Variants in TSPEAR observed in about 807,000 individuals in gnomAD.
TSPEAR encodes thrombospondin-type laminin G domain and EAR repeat-containing protein.
Under a neutral mutation model 71.6 loss-of-function variants are expected in TSPEAR, and 69 were observed. That is an observed-to-expected ratio of 0.96 (90% CI 0.79 to 1.18). The LOEUF (loss-of-function observed/expected upper bound fraction) is 1.18. Ranked by LOEUF, TSPEAR falls within the 50% of genes most tolerant of loss-of-function variation. TSPEAR has a pLI of 0.00. For synonymous variants in TSPEAR, 402 were observed against 387.2 expected (o/e 1.04, Z -0.45); for missense variants, 971 against 894.9 (o/e 1.09, Z -1.09).
chr21:44,600,964 T>A (rs1555928510), intron 1 of TSPEAR: 1 of 1,612,202 alleles, frequency 6.2e-7, no homozygotes, highest in South Asian at 1.1e-5. Flanking sequence ...GCCCGTCTGC[T>A]GCAAGACTGT....
At chr21:44,608,232 T>TA (rs1182726555) in intron 1 of TSPEAR, among the ~76,000 whole-genome samples, 3 of 152,262 alleles carry the variant, frequency 2.0e-5, no homozygotes, top group African/African-American at 7.2e-5. Context: ...GCTGACTTTT[T>TA]AAAAACTTCA....
intron 1 of TSPEAR, chr21:44,646,437 C>T (rs1433876648): frequency 1.3e-6 from 2 of 1,588,804 alleles, no homozygotes; most frequent in East Asian, 4.5e-5. Flanking sequence ...CCTCCCCCAG[C>T]TCACCTCCTC....
At chr21:44,626,314 A>G (rs1982774182) in intron 1 of TSPEAR, among the ~76,000 whole-genome samples, 2 of 152,216 alleles carry the variant, frequency 1.3e-5, no homozygotes, top group African/African-American at 4.8e-5. Context: ...ATCAAAGATC[A>G]TGCAGCCGTG....
At chr21:44,583,815 C>G (rs1979165604) in intron 1 of TSPEAR, among the ~76,000 whole-genome samples, 1 of 152,140 alleles carries the variant, frequency 6.6e-6, no homozygotes, top group Admixed American at 6.5e-5. Flanking sequence ...TTACCACGGT[C>G]AAGCTAATTA....
chr21:44,536,151 G>A (rs1369439300), intron 2 of TSPEAR, among the ~76,000 whole-genome samples: 2 of 152,210 alleles, frequency 1.3e-5, no homozygotes, highest in African/African-American at 4.8e-5. Context: ...ATGGAGAGGA[G>A]GGGCCTGCCC....
chr21:44,540,259 C>T (rs1272012344), intron 2 of TSPEAR: 8 of 1,529,440 alleles, frequency 5.2e-6, no homozygotes, highest in East Asian at 4.5e-5. Context: ...CTTCGTGGGG[C>T]TCTGCTTTTA....
intron 1 of TSPEAR, among the ~76,000 whole-genome samples, chr21:44,604,676 G>C (rs1981196556): frequency 1.3e-5 from 2 of 152,252 alleles, no homozygotes; most frequent in Non-Finnish European, 2.9e-5. Flanking sequence ...TGATCTTAGA[G>C]AAAGAGCTTT....
At chr21:44,516,972 G>A (rs1188773440) in intron 9 of TSPEAR, among the ~76,000 whole-genome samples, 3 of 152,088 alleles carry the variant, frequency 2.0e-5, no homozygotes. Context: ...CTGCACCCTG[G>A]GGCTTTCGGT....
intron 7 of TSPEAR, among the ~76,000 whole-genome samples, chr21:44,526,333 T>C (rs982453154): frequency 6.6e-6 from 1 of 152,218 alleles, no homozygotes; most frequent in African/African-American, 2.4e-5. Context: ...GCATGGTTCA[T>C]GGACGATGTG....
rs1330374364 is a variant in TSPEAR, at chr21:44,695,752, C to T, written c.82+15681G>A. Among the ~76,000 whole-genome samples, 1 of 152,168 alleles carries T rather than the reference C, an allele frequency of 6.6e-6. No homozygotes were observed. Among genetic ancestry groups the T allele is most frequent in the East Asian group, 1.9e-4 (1 of 5,200 alleles). On this transcript the variant is annotated intron_variant, in intron 1 of 11. Transcript: ENST00000323084. The surrounding 1 kb of genome is among the most constrained non-coding windows in gnomAD (Gnocchi z 4.5). ...CTCACCGCAGCGGGACAGGGGTACACGCCACACACCAGGGTTTCATCTCAT... is the reference window on the plus strand; with the variant it reads ...CTCACCGCAGCGGGACAGGGGTACATGCCACACACCAGGGTTTCATCTCAT...
chr21:44,665,422 C>T (rs953125360), intron 1 of TSPEAR, among the ~76,000 whole-genome samples: 2 of 152,218 alleles, frequency 1.3e-5, no homozygotes, highest in South Asian at 2.1e-4. Context: ...GAGGGGAATA[C>T]AGCCCAGACA....
At chr21:44,610,749 C>T (rs779040475) in intron 1 of TSPEAR, among the ~76,000 whole-genome samples, 1 of 152,188 alleles carries the variant, frequency 6.6e-6, no homozygotes, top group African/African-American at 2.4e-5. Flanking sequence ...TCAACACCAG[C>T]CCATGAAAGC....
chr21:44,612,568 C>T lies in TSPEAR; in HGVS notation c.83-44563G>A, dbSNP rs782366810. On this transcript the variant is annotated intron_variant, in intron 1 of 11. Transcript: ENST00000323084. The surrounding 1 kb of genome is among the most constrained non-coding windows in gnomAD (Gnocchi z 4.1). Reference sequence around the variant, plus strand: ...AGTCTAGCTGCCAGTCAGCTTGCTGCACCTTCTCCCCATGCCAACAGGCCT... The same window carrying T: ...AGTCTAGCTGCCAGTCAGCTTGCTGTACCTTCTCCCCATGCCAACAGGCCT... 11 of 1,614,090 alleles carry T rather than the reference C, an allele frequency of 6.8e-6. No individual in the cohort carries two copies. Among genetic ancestry groups the T allele is most frequent in the Admixed American group, 6.7e-5 (4 of 60,018 alleles).
In TSPEAR at chr21:44,509,470, C is replaced by G. The variant is rs587638147; in HGVS notation, c.1567-84G>C. 4.2e-3 allele frequency: 887 copies of G among 211,278 alleles called. 7 individuals carry two copies. The African/African-American group carries it at 0.043, about 10-fold the overall frequency. The allele number at this position is 211,278 out of a possible 1,614,324, so 13.1% of individuals were successfully genotyped here. A position where few individuals can be genotyped will look rare whatever the true frequency, so the allele number is the denominator to read the frequency against. On this transcript the variant is annotated intron_variant, in intron 9 of 11. Transcript: ENST00000323084. Reference sequence around the variant, plus strand: ...GAGCGGGCGCAGAGGTGTGGGGGAGCGGGCGCAGAGGTGTGGGGGAGGGGG... The same window carrying G: ...GAGCGGGCGCAGAGGTGTGGGGGAGGGGGCGCAGAGGTGTGGGGGAGGGGG...
At chr21:44,682,341 C>A (rs1266568470) in intron 1 of TSPEAR, among the ~76,000 whole-genome samples, 4 of 152,180 alleles carry the variant, frequency 2.6e-5, no homozygotes, top group Admixed American at 2.0e-4. Flanking sequence ...ACTAATTGCA[C>A]CCTCTTCAAG....
At chr21:44,610,939 C>A (rs1474229277) in intron 1 of TSPEAR, among the ~76,000 whole-genome samples, 1 of 152,162 alleles carries the variant, frequency 6.6e-6, no homozygotes, top group Non-Finnish European at 1.5e-5. Flanking sequence ...CCTGTAAAAT[C>A]CCTTTGTTTT....
At position 44,569,233 on chromosome 21, in the gene TSPEAR, G is replaced by C. The variant is rs1216569184; in HGVS notation, c.83-1228C>G. On this transcript the variant is annotated intron_variant, in intron 1 of 11. Coordinates refer to ENST00000323084, the MANE Select transcript of TSPEAR (RefSeq NM_144991.3). ...AGAGCCTACCCTGGAAAAGCATCCTGGTCCGCACACGCGCACACAGGGTGT... is the reference window on the plus strand; with the variant it reads ...AGAGCCTACCCTGGAAAAGCATCCTCGTCCGCACACGCGCACACAGGGTGT... Among the ~76,000 whole-genome samples the C allele has an allele frequency of 2.0e-5, 3 of 152,214 alleles. No individual in the cohort carries two copies. In the East Asian group the frequency reaches 5.8e-4, roughly 29 times the overall value.
At chr21:44,592,102 A>T (rs1555926810) in intron 1 of TSPEAR, 1 of 1,430,952 alleles carries the variant, frequency 7.0e-7, no homozygotes, top group Non-Finnish European at 9.4e-7. Flanking sequence ...CCCACAGCAG[A>T]CGGACACACA....
chr21:44,696,045 A>G (rs1402624013), intron 1 of TSPEAR, among the ~76,000 whole-genome samples: 1 of 152,186 alleles, frequency 6.6e-6, no homozygotes, highest in South Asian at 2.1e-4. Flanking sequence ...TTCACTTCCC[A>G]TAAAGAAATC....
Sources: gnomAD v4.1 joint callset for allele counts (sites outside exome capture counted in the v4.1 genomes callset) on GRCh38, gnomAD v4.1.1 for gene constraint, Gnocchi (gnomAD v3.1) non-coding constraint, MANE v1.5 for transcripts, NCBI Gene and HGNC (gene_info 2026-07-23, HGNC 2026-07-21) for gene names.